C8orf76: variants seen among roughly 807,000 people sequenced by gnomAD.
The protein encoded by C8orf76 is uncharacterized protein C8orf76.
In C8orf76, 46 loss-of-function variants were observed where a neutral mutation model predicts 38.1. That is an observed-to-expected ratio of 1.21 (90% confidence interval 0.95 to 1.54). The LOEUF (loss-of-function observed/expected upper bound fraction) is 1.54, where lower values mean the gene tolerates loss of function less well. C8orf76 is among the 40% of genes most tolerant of loss of function. The pLI is 0.00. For synonymous variants in C8orf76, 166 were observed against 167.5 expected (o/e 0.99, Z 0.07); for missense variants, 461 against 441.6 (o/e 1.04, Z -0.39).
At chr8:123,229,487 C>G (rs762446483) in intron 4 of C8orf76, among the ~76,000 whole-genome samples, 1 of 152,210 alleles carries the variant, frequency 6.6e-6, no homozygotes, top group Non-Finnish European at 1.5e-5. Context: ...CTTTTGGCCA[C>G]GCCAACAGCT....
At chr8:123,236,273 C>CA (rs1420450278) in intron 3 of C8orf76, among the ~76,000 whole-genome samples, 1 of 152,164 alleles carries the variant, frequency 6.6e-6, no homozygotes, top group Non-Finnish European at 1.5e-5. Context: ...CCACAAAGCT[C>CA]AAAATCGGTG....
At chr8:123,238,012 G>A in intron 2 of C8orf76, 71 bp from the exon 3 acceptor site, 1 of 1,520,130 alleles carries the variant, frequency 6.6e-7, no homozygotes, top group South Asian at 1.3e-5. Context: ...CAGAATAGGG[G>A]TGATTTTTTT....
intron 3 of C8orf76, among the ~76,000 whole-genome samples, chr8:123,235,575 G>C (rs546467893): frequency 6.6e-6 from 1 of 152,168 alleles, no homozygotes; most frequent in Non-Finnish European, 1.5e-5. Context: ...CGAACCCCAC[G>C]AGCCCGCTTT....
At chr8:123,226,206 T>C (rs1825038455) in intron 5 of C8orf76, 1 of 1,219,752 alleles carries the variant, frequency 8.2e-7, no homozygotes, top group South Asian at 2.4e-5. Flanking sequence ...ATTCATTCAT[T>C]CATTTATTCA....
At chr8:123,236,282 T>C (rs1030280648) in intron 3 of C8orf76, among the ~76,000 whole-genome samples, 4 of 152,172 alleles carry the variant, frequency 2.6e-5, no homozygotes, top group African/African-American at 9.7e-5. Flanking sequence ...TCAAAATCGG[T>C]GCCACAGTGT....
chr8:123,227,517 C>G (rs529263932), intron 4 of C8orf76, among the ~76,000 whole-genome samples: 2 of 152,138 alleles, frequency 1.3e-5, no homozygotes, highest in African/African-American at 4.8e-5. Context: ...ACACAGTAAC[C>G]TCTTCAGATG....
In C8orf76 at chr8:123,240,513, A is replaced by G. The variant is rs1025220199; in HGVS notation, c.117+717T>C. On this transcript the variant is annotated intron_variant, in intron 1 of 5. Transcript: ENST00000276704. ...GACTGATGAACTATTTACACTCATG[A>G]AAGAATAGGAAGTAATACTCTACTA... Among the ~76,000 whole-genome samples the G allele has an allele frequency of 2.0e-5, 3 of 152,264 alleles. No individual in the cohort carries two copies. In the South Asian group the frequency reaches 6.2e-4, roughly 31 times the overall value.
intron 3 of C8orf76, among the ~76,000 whole-genome samples, chr8:123,235,982 A>C (rs1164168852): frequency 6.6e-6 from 1 of 152,232 alleles, no homozygotes; most frequent in Admixed American, 6.5e-5. Context: ...CCATCAAGTT[A>C]ACTGCTCATG....
chr8:123,239,247 A>C, intron 1 of C8orf76, 103 bp from the exon 2 acceptor site: 1 of 1,285,782 alleles, frequency 7.8e-7, no homozygotes, highest in Non-Finnish European at 1.1e-6. Flanking sequence ...TCAAAAAAAG[A>C]CTTCTTCAAG....
intron 3 of C8orf76, among the ~76,000 whole-genome samples, chr8:123,232,997 T>C (rs1269031636): frequency 6.6e-6 from 1 of 152,084 alleles, no homozygotes. Flanking sequence ...CTGTAACCAG[T>C]CTATAGGGCT....
intron 5 of C8orf76, among the ~76,000 whole-genome samples, chr8:123,222,263 C>T (rs192687982): frequency 1.1e-4 from 16 of 152,284 alleles, no homozygotes; most frequent in African/African-American, 7.2e-5. Flanking sequence ...GGATTACGGG[C>T]GTGCGCCACC....
intron 5 of C8orf76, among the ~76,000 whole-genome samples, chr8:123,220,906 CTAAG>C (rs1457231600): frequency 6.6e-6 from 1 of 152,196 alleles, no homozygotes; most frequent in African/African-American, 2.4e-5. Context: ...CCTGAACCCA[CTAAG>C]TAAGCAGACT....
intron 5 of C8orf76, among the ~76,000 whole-genome samples, chr8:123,221,405 G>A (rs1043280488): frequency 6.6e-6 from 1 of 152,094 alleles, no homozygotes; most frequent in African/African-American, 2.4e-5. Flanking sequence ...GAACGGCCAG[G>A]GCAACAGAGC....
At chr8:123,232,515 T>C (rs1825308580) in intron 3 of C8orf76, among the ~76,000 whole-genome samples, 3 of 152,228 alleles carry the variant, frequency 2.0e-5, no homozygotes, top group South Asian at 2.1e-4. Flanking sequence ...CAGACTCAAA[T>C]TACCTTCAAG....
At chr8:123,230,047 G>T (rs984422620) in intron 4 of C8orf76, among the ~76,000 whole-genome samples, 4 of 151,986 alleles carry the variant, frequency 2.6e-5, no homozygotes, top group African/African-American at 9.7e-5. Flanking sequence ...AATAAAATTT[G>T]CCAAATAGAT....
At chr8:123,237,988 C>T in intron 2 of C8orf76, 47 bp from the exon 3 acceptor site, 1 of 1,576,726 alleles carries the variant, frequency 6.3e-7, no homozygotes, top group Non-Finnish European at 8.6e-7. Flanking sequence ...GAAAACATAA[C>T]AGAAAAAAGG....
intron 3 of C8orf76, among the ~76,000 whole-genome samples, chr8:123,236,211 T>G (rs997556185): frequency 3.3e-5 from 5 of 152,214 alleles, no homozygotes; most frequent in Non-Finnish European, 1.5e-5. Context: ...ATGGCAGATG[T>G]CAGCTCAATT....
At chr8:123,240,877 G>A (rs1475032556) in intron 1 of C8orf76, among the ~76,000 whole-genome samples, 2 of 152,232 alleles carry the variant, frequency 1.3e-5, no homozygotes, top group South Asian at 2.1e-4. Flanking sequence ...GTTTGCCGGA[G>A]GTCACCGTTT....
At chr8:123,238,428 T>C (rs1466197841) in intron 2 of C8orf76, 1 of 152,918 alleles carries the variant, frequency 6.5e-6, no homozygotes, top group Non-Finnish European at 1.5e-5. Context: ...TATCTAGTCT[T>C]GGGTATTTCT....
Sources: allele counts gnomAD v4.1 joint callset (sites outside exome capture counted in the v4.1 genomes callset), GRCh38; gene constraint gnomAD v4.1.1; transcripts MANE v1.5; gene names NCBI Gene and HGNC (gene_info 2026-07-23, HGNC 2026-07-21).